The following SDC2 variants were observed in gnomAD, a reference collection of about 807,000 sequenced individuals.
The protein encoded by SDC2 is syndecan 2.
A neutral mutation model predicts 22.2 loss-of-function variants in SDC2; 13 were observed. That is an observed-to-expected ratio of 0.59 (90% CI 0.38 to 0.93). SDC2 has a LOEUF of 0.93. Among genes scored for constraint, SDC2 ranks in the 40% least tolerant of loss-of-function variants. The pLI, the probability that SDC2 is intolerant of heterozygous loss-of-function variation, is 0.00. For synonymous variants in SDC2, 94 were observed against 92.8 expected, an observed-to-expected ratio of 1.01 and a Z score of -0.07; for missense variants, 235 against 246.8, an observed-to-expected ratio of 0.95 and a Z score of 0.32.
chr8:96,604,247 C>T (rs543727661), intron 3 of SDC2, among the ~76,000 whole-genome samples: 2 of 152,152 alleles, frequency 1.3e-5, no homozygotes, highest in African/African-American at 4.8e-5. Flanking sequence ...AATGGATTGA[C>T]CACTAATTTA....
At chr8:96,523,701 T>TTAA (rs1813533062) in intron 1 of SDC2, among the ~76,000 whole-genome samples, 1 of 152,156 alleles carries the variant, frequency 6.6e-6, no homozygotes, top group Non-Finnish European at 1.5e-5. Context: ...AAACGTGCAT[T>TTAA]TAATAACAGA....
chr8:96,546,903 G>A (rs904226956), intron 1 of SDC2, among the ~76,000 whole-genome samples: 2 of 152,240 alleles, frequency 1.3e-5, no homozygotes, highest in Non-Finnish European at 2.9e-5. Context: ...GGCTAAACAA[G>A]CCTTTTGTCT....
At chr8:96,540,184 C>CG (rs1813822737) in intron 1 of SDC2, among the ~76,000 whole-genome samples, 1 of 151,442 alleles carries the variant, frequency 6.6e-6, no homozygotes, top group African/African-American at 2.4e-5. Context: ...CCCCCCGCCC[C>CG]GCCAGCTACA....
chr8:96,570,045 G>A (rs1814366333), intron 1 of SDC2, among the ~76,000 whole-genome samples: 1 of 152,196 alleles, frequency 6.6e-6, no homozygotes, highest in South Asian at 2.1e-4. Context: ...AGGATGCTAA[G>A]TGCTAGGCAT....
intron 1 of SDC2, among the ~76,000 whole-genome samples, chr8:96,510,724 A>T (rs937464121): frequency 3.9e-5 from 6 of 152,216 alleles, no homozygotes; most frequent in African/African-American, 1.2e-4. Flanking sequence ...ACTATGATTC[A>T]TAGGCTTTTA....
chr8:96,525,018 T>C (rs1031247555), intron 1 of SDC2, among the ~76,000 whole-genome samples: 3 of 152,204 alleles, frequency 2.0e-5, no homozygotes, highest in Non-Finnish European at 4.4e-5. Flanking sequence ...ATGAAGATAC[T>C]GGAATAATTG....
intron 1 of SDC2, among the ~76,000 whole-genome samples, chr8:96,513,682 A>G (rs1384946669): frequency 2.6e-5 from 4 of 152,236 alleles, no homozygotes; most frequent in African/African-American, 9.6e-5. Context: ...ATGTAACGTC[A>G]TGACTTGCAC....
intron 1 of SDC2, among the ~76,000 whole-genome samples, chr8:96,541,481 C>T (rs1019334442): frequency 4.9e-5 from 7 of 141,918 alleles, no homozygotes; most frequent in Non-Finnish European, 9.0e-5. Context: ...TACTCCAGCC[C>T]GGTGACAGAG....
chr8:96,609,010 T>G (rs1815131519), intron 4 of SDC2, among the ~76,000 whole-genome samples: 1 of 152,180 alleles, frequency 6.6e-6, no homozygotes, highest in Non-Finnish European at 1.5e-5. Context: ...TCATGTATAC[T>G]CTTTAAAATT....
chr8:96,562,956 A>C (rs765734234), intron 1 of SDC2, among the ~76,000 whole-genome samples: 2 of 151,974 alleles, frequency 1.3e-5, no homozygotes, highest in African/African-American at 4.8e-5. Flanking sequence ...AATATTTCCT[A>C]ACTTTTCGCC....
At chr8:96,558,387 G>T (rs1002789154) in intron 1 of SDC2, among the ~76,000 whole-genome samples, 1 of 152,246 alleles carries the variant, frequency 6.6e-6, no homozygotes, top group Middle Eastern at 3.4e-3. Flanking sequence ...TATGTTTCCT[G>T]TGTAGATGGT....
At chr8:96,508,022 C>T (rs910589719) in intron 1 of SDC2, among the ~76,000 whole-genome samples, 7 of 144,718 alleles carry the variant, frequency 4.8e-5, no homozygotes, top group African/African-American at 1.6e-4. Flanking sequence ...ATAGGCCAGG[C>T]GCGGTGGCTC....
chr8:96,568,911 G>C (rs1186961038), intron 1 of SDC2, among the ~76,000 whole-genome samples: 3 of 152,212 alleles, frequency 2.0e-5, no homozygotes, highest in Non-Finnish European at 4.4e-5. Context: ...GTAAGGAAAA[G>C]TCACTGGGTG....
intron 2 of SDC2, among the ~76,000 whole-genome samples, chr8:96,601,231 C>T (rs931861424): frequency 6.6e-6 from 1 of 152,084 alleles, no homozygotes; most frequent in Non-Finnish European, 1.5e-5. Context: ...CTTAACAAAA[C>T]AGTATTAATA....
intron 1 of SDC2, 131 bp downstream of exon 1, chr8:96,494,462 A>T: frequency 1.3e-6 from 1 of 783,160 alleles, no homozygotes; most frequent in South Asian, 1.9e-5. Context: ...ATCCGCTGGG[A>T]CAAATGCGCT....
chr8:96,593,218 T>C (rs891513942), intron 1 of SDC2, among the ~76,000 whole-genome samples: 2 of 152,220 alleles, frequency 1.3e-5, no homozygotes, highest in Non-Finnish European at 2.9e-5. Flanking sequence ...AAGCCCAAGA[T>C]AGGAGTTTAG....
chr8:96,523,934 A>T (rs546247722), intron 1 of SDC2, among the ~76,000 whole-genome samples: 1 of 152,274 alleles, frequency 6.6e-6, no homozygotes, highest in East Asian at 1.9e-4. Context: ...TGCCACAGAC[A>T]CTCAGGGTGG....
At chr8:96,556,469 G>A (rs567636510) in intron 1 of SDC2, among the ~76,000 whole-genome samples, 153 of 151,918 alleles carry the variant, frequency 1.0e-3, no homozygotes, top group South Asian at 7.9e-3. Flanking sequence ...AAATAACGCC[G>A]CATATCTACA....
chr8:96,578,067 T>C (rs1417778216), intron 1 of SDC2, among the ~76,000 whole-genome samples: 1 of 152,252 alleles, frequency 6.6e-6, no homozygotes, highest in African/African-American at 2.4e-5. Flanking sequence ...CCTAGTTAGA[T>C]GGACTGCTTA....
Sources: gnomAD v4.1 joint callset for allele counts (sites outside exome capture counted in the v4.1 genomes callset) on GRCh38, gnomAD v4.1.1 for gene constraint, MANE v1.5 for transcripts, NCBI Gene and HGNC (gene_info 2026-07-23, HGNC 2026-07-21) for gene names.